Variants in FAM76B observed in about 807,000 individuals in gnomAD.
FAM76B encodes the protein family with sequence similarity 76 member B, also known as protein FAM76B.
FAM76B carries 16 observed loss-of-function variants against 51.8 expected under a neutral mutation model. The ratio of observed to expected loss-of-function variants is 0.31; its 90% CI spans 0.21 to 0.47. FAM76B has a LOEUF of 0.47. Among genes scored for constraint, FAM76B ranks in the 20% least tolerant of loss-of-function variants. FAM76B has a pLI of 1.00. For missense variants in FAM76B, 342 were observed against 392.6 expected (o/e 0.87, Z 1.09); for synonymous variants, 166 against 129.5 (o/e 1.28, Z -1.91).
At chr11:95,788,632 C>CTGTT in intron 1 of FAM76B, 69 bp from the exon 2 acceptor site, 1 of 1,468,342 alleles carries the variant, frequency 6.8e-7, no homozygotes, top group Non-Finnish European at 9.4e-7. Flanking sequence ...TGGTAGAAAA[C>CTGTT]TGTTTACCCA....
rs919148990 is a variant in FAM76B at position 95,789,594 on chromosome 11, T to C, written c.-116A>G. The C allele has an allele frequency of 9.2e-6, 8 of 873,414 alleles. No individual in the cohort carries two copies. The East Asian group carries it at 1.5e-4, about 16-fold the overall frequency. 54.1% of individuals were successfully genotyped at this position (873,414 alleles called of 1,614,324 possible). A position where few individuals can be genotyped will look rare whatever the true frequency, so the allele number is the denominator to read the frequency against. On this transcript the variant is annotated 5_prime_UTR_variant, in exon 1 of 10. Transcript: ENST00000358780. The stretch of plus-strand genomic sequence containing the variant: ...TCCTCCTCCTCCCCCTCCCCCTGCC[T>C]CGCGCCCACCAGGGCCTCGCCGCGA...
At chr11:95,778,528 C>T (rs1451262584) in intron 8 of FAM76B, among the ~76,000 whole-genome samples, 1 of 151,442 alleles carries the variant, frequency 6.6e-6, no homozygotes, top group Admixed American at 6.6e-5. Flanking sequence ...ATTCCATTTA[C>T]ATCTCATTTT....
chr11:95,787,687 T>C lies in FAM76B; in HGVS notation c.153-9A>G, dbSNP rs746141621. 11 of 1,595,538 alleles carry C rather than the reference T, an allele frequency of 6.9e-6. No individual in the cohort carries two copies. Among genetic ancestry groups the C allele is most frequent in the Non-Finnish European group, 8.6e-6 (10 of 1,167,280 alleles). On this transcript the variant is annotated splice_polypyrimidine_tract_variant and intron_variant, in intron 2 of 9. Transcript: ENST00000358780. ...AAATTGTGTTAGTTTTGCTGAAAAA[T>C]AAATTGTATATAGATCATGTTTATG...
In FAM76B at chr11:95,783,284, A is replaced by C; in HGVS notation, c.364-20T>G. ...ATCAACCTTTTAAGAAAATGTGTTA[A>C]ATTAAATGTACCCATATAAACTGGC... is the stretch of plus-strand genomic sequence containing the variant. On this transcript the variant is annotated intron_variant, in intron 4 of 9. Coordinates refer to ENST00000358780, the MANE Select transcript of FAM76B (RefSeq NM_144664.5). 6.2e-7 allele frequency: 1 copy of C among 1,606,712 alleles called. No individual in the cohort carries two copies.
intron 8 of FAM76B, among the ~76,000 whole-genome samples, chr11:95,777,872 C>T (rs1318366136): frequency 1.3e-5 from 2 of 151,424 alleles, no homozygotes; most frequent in Non-Finnish European, 3.0e-5. Context: ...TGTTCTCCTA[C>T]TGCATAATAC....
At chr11:95,779,786 A>G (rs1860175159) in intron 6 of FAM76B, 93 bp downstream of exon 6, 1 of 1,558,006 alleles carries the variant, frequency 6.4e-7, no homozygotes, top group Non-Finnish European at 8.7e-7. Flanking sequence ...GAAAATACTG[A>G]TTTTGGTAAG....
In FAM76B at chr11:95,783,221, T is replaced by C. The variant is rs747794011; in HGVS notation, c.407A>G (p.Lys136Arg). 5 of 1,613,628 alleles carry C rather than the reference T, an allele frequency of 3.1e-6. No individual in the cohort carries two copies. Among genetic ancestry groups the C allele is most frequent in the East Asian group, 4.5e-5 (2 of 44,876 alleles). The change falls in exon 5 of 10, where the codon AAA becomes AGA. Residue 136 changes from lysine (K) to arginine (R), a missense_variant. By Grantham distance (26) the Lys-to-Arg change is conservative. Around this residue, in one of 3 missense-constraint regions of FAM76B, gnomAD observed 230 missense variants for 257.4 expected, o/e 0.89. Transcript: ENST00000358780. ...LLCWLCTLSYKRVLQKTKEQR... is the reference protein window; with the variant it reads ...LLCWLCTLSYRRVLQKTKEQR... ...TTCTTTCGTCTTCTGTAAAACTCTT[T>C]TGTACGATAAAGTACAGAGCCAGCA...
intron 9 of FAM76B, among the ~76,000 whole-genome samples, chr11:95,774,361 C>T (rs904127453): frequency 6.6e-6 from 1 of 151,330 alleles, no homozygotes; most frequent in African/African-American, 2.4e-5. Flanking sequence ...CTACATGAAA[C>T]TTCAATTACC....
At chr11:95,771,754 T>A in intron 9 of FAM76B, 104 bp from the exon 10 acceptor site, 1 of 855,464 alleles carries the variant, frequency 1.2e-6, no homozygotes, top group Non-Finnish European at 1.8e-6. Context: ...TATAAATGTT[T>A]CACTAAAGCA....
At chr11:95,787,007 G>C (rs903909437) in intron 3 of FAM76B, among the ~76,000 whole-genome samples, 4 of 152,156 alleles carry the variant, frequency 2.6e-5, no homozygotes. Flanking sequence ...CTGTTCTGAA[G>C]TGGGCTAAAG....
Position 95,789,628 on chromosome 11 carries a change from G to C in FAM76B, c.-150C>G. The stretch of plus-strand genomic sequence containing the variant: ...CCAGGGCCTCGCCGCGAGAGCCCAG[G>C]GCCCCGCGGACGACGCCACCGTCTC... On this transcript the variant is annotated 5_prime_UTR_variant, in exon 1 of 10. Transcript: ENST00000358780. 3.4e-6 allele frequency: 2 copies of C among 591,210 alleles called. No individual in the cohort carries two copies. The highest frequency in any genetic ancestry group is 5.6e-6 in the Non-Finnish European group (2 of 357,332). 36.6% of individuals were successfully genotyped at this position (591,210 alleles called of 1,614,324 possible).
Position 95,779,668 on chromosome 11 carries a change from T to C in FAM76B, c.631A>G (p.Ile211Val). 2 of 1,610,232 alleles carry C rather than the reference T, an allele frequency of 1.2e-6. No homozygotes were observed. Among genetic ancestry groups the C allele is most frequent in the Non-Finnish European group, 1.7e-6 (2 of 1,177,964 alleles). ...TTTTTCTTTGGAGTTTCATTCTGAA[T>C]TGTTGCAGAGGATTTATGGCTGAAA... ...WKQSHKSSATIQNETPKKKPK... is the reference protein window; with the variant it reads ...WKQSHKSSATVQNETPKKKPK... The change falls in exon 7 of 10, where the codon ATT becomes GTT. Residue 211 changes from isoleucine (I) to valine (V), a missense_variant. Around this residue, in one of 3 missense-constraint regions of FAM76B, gnomAD observed 230 missense variants for 257.4 expected, o/e 0.89. Transcript: ENST00000358780.
chr11:95,778,685 G>A, intron 8 of FAM76B, 137 bp downstream of exon 8: 1 of 1,097,802 alleles, frequency 9.1e-7, no homozygotes, highest in Non-Finnish European at 1.2e-6. Flanking sequence ...GGCTTCAGGG[G>A]CTTTTGTAAT....
At position 95,786,297 on chromosome 11, in the gene FAM76B, G is replaced by A. The variant is rs770017556; in HGVS notation, c.208-23C>T. On this transcript the variant is annotated intron_variant, in intron 3 of 9. Coordinates refer to ENST00000358780, the MANE Select transcript of FAM76B (RefSeq NM_144664.5). ...GGGCTGAAAAACATACACATTTTGAGACTTTTAAAAACATTAAATATTTGC... is the reference window on the plus strand; with the variant it reads ...GGGCTGAAAAACATACACATTTTGAAACTTTTAAAAACATTAAATATTTGC... 1.9e-6 allele frequency: 3 copies of A among 1,612,144 alleles called. No homozygotes were observed. The East Asian group carries it at 6.7e-5, about 36-fold the overall frequency.
At chr11:95,779,175 A>G (rs772295864) in intron 7 of FAM76B, 1 of 1,547,570 alleles carries the variant, frequency 6.5e-7, no homozygotes, top group East Asian at 2.4e-5. Context: ...AAGGGGGTCA[A>G]TACTTCTAGT....
At chr11:95,772,267 T>C (rs539053229) in intron 9 of FAM76B, among the ~76,000 whole-genome samples, 5 of 151,258 alleles carry the variant, frequency 3.3e-5, no homozygotes, top group Non-Finnish European at 5.9e-5. Flanking sequence ...ACACTGATTT[T>C]AGTGTGGTTT....
In FAM76B at chr11:95,774,738, C is replaced by A. The variant is rs903846527; in HGVS notation, c.930+1184G>T. 2.6e-5 allele frequency among the ~76,000 whole-genome samples: 4 copies of A among 151,330 alleles called. No homozygotes were observed. The South Asian group carries it at 6.2e-4, about 24-fold the overall frequency. ...GAATCTGATATATGATACGGGCAAT[C>A]TCTCAGAACAGAGGGCTGATGGGCA... On this transcript the variant is annotated intron_variant, in intron 9 of 9. Transcript: ENST00000358780.
intron 8 of FAM76B, among the ~76,000 whole-genome samples, chr11:95,778,154 A>C (rs572647933): frequency 6.6e-6 from 1 of 151,634 alleles, no homozygotes; most frequent in South Asian, 2.1e-4. Context: ...AATTACTTCA[A>C]AACTGTTTCC....
In FAM76B at chr11:95,778,836, C is replaced by T; in HGVS notation, c.814G>A (p.Glu272Lys). ...LLQQRDQTIL[E>K]KDKKLTELKA... ...CATGTTCTTACCTTTTTATCTTTTTCTAAAATGGTCTGGTCTCTCTGCTGT... is the reference window on the plus strand; with the variant it reads ...CATGTTCTTACCTTTTTATCTTTTTTTAAAATGGTCTGGTCTCTCTGCTGT... Residue 272 changes from glutamate (E) to lysine (K), a missense_variant, in exon 8 of 10, where the codon GAA (glutamate) becomes AAA (lysine). Around this residue, in one of 3 missense-constraint regions of FAM76B, gnomAD observed 230 missense variants for 257.4 expected, o/e 0.89. Transcript: ENST00000358780. 1 of 1,599,870 alleles carries T rather than the reference C, an allele frequency of 6.3e-7. No individual in the cohort carries two copies. The highest frequency in any genetic ancestry group is 8.5e-7 in the Non-Finnish European group (1 of 1,174,882).
Sources: allele counts gnomAD v4.1 joint callset (sites outside exome capture counted in the v4.1 genomes callset), GRCh38; gene constraint gnomAD v4.1.1; regional missense constraint gnomAD v4.1.1; transcripts MANE v1.5; gene names NCBI Gene and HGNC (gene_info 2026-07-23, HGNC 2026-07-21).